Variants in MOK observed in about 807,000 individuals in gnomAD.
MOK encodes MOK protein kinase.
In MOK, 59 loss-of-function variants were observed where a neutral mutation model predicts 54.2. The observed-to-expected ratio is 1.09, with a 90% CI of 0.88 to 1.35. The LOEUF (loss-of-function observed/expected upper bound fraction) is 1.35, where lower values mean the gene tolerates loss of function less well. Ranked by LOEUF, MOK falls within the 40% of genes most tolerant of loss-of-function variation. MOK has a pLI of 0.00. For synonymous variants in MOK, 210 were observed against 202.7 expected (o/e 1.04, Z -0.31); for missense variants, 517 against 526.2 (o/e 0.98, Z 0.17).
chr14:102,229,668 A>T lies in MOK; in HGVS notation c.982-11T>A. The T allele has an allele frequency of 2.5e-6, 4 of 1,585,128 alleles. No individual in the cohort carries two copies. Among genetic ancestry groups the T allele is most frequent in the Non-Finnish European group, 3.4e-6 (4 of 1,166,318 alleles). ...CTTTAGGGACTGTTTCTTGAAACAG[A>T]ACAGAGGCCAGTTGGACATAAAACG... On this transcript the variant is annotated splice_polypyrimidine_tract_variant and intron_variant, in intron 10 of 11. Transcript: ENST00000361847.
intron 1 of MOK, among the ~76,000 whole-genome samples, chr14:102,291,512 G>A (rs954017369): frequency 8.5e-5 from 13 of 152,144 alleles, no homozygotes; most frequent in Non-Finnish European, 1.5e-5. Flanking sequence ...CTAGTCAAGG[G>A]ATAGCTGTTG....
intron 4 of MOK, among the ~76,000 whole-genome samples, chr14:102,253,283 A>G (rs3783372): frequency 0.29 from 44,356 of 152,194 alleles, 7,952 homozygotes; most frequent in African/African-American, 0.52. Flanking sequence ...CAATTAGCAC[A>G]TGCGTCAGCT....
At chr14:102,214,778 G>T in the MOK span, 1 of 978,674 alleles carries the variant, frequency 1.0e-6, no homozygotes, top group African/African-American at 1.8e-5. Context: ...ATGAAATATT[G>T]GTAAATTAAA....
chr14:102,266,532 G>A (rs1231970522), intron 2 of MOK, among the ~76,000 whole-genome samples: 2 of 152,014 alleles, frequency 1.3e-5, no homozygotes, highest in African/African-American at 4.8e-5. Flanking sequence ...TTACAAGCGT[G>A]AGCCACTGTG....
intron 4 of MOK, among the ~76,000 whole-genome samples, chr14:102,256,427 C>T (rs2066957958): frequency 6.6e-6 from 1 of 151,648 alleles, no homozygotes; most frequent in Admixed American, 6.6e-5. Flanking sequence ...ATTAGCCAGG[C>T]TAATTTAGTG....
Position 102,231,719 on chromosome 14 carries a change from C to T in MOK, c.969G>A (p.Glu323=). The T allele has an allele frequency of 6.2e-7, 1 of 1,611,496 alleles. No homozygotes were observed. Among genetic ancestry groups the T allele is most frequent in the Non-Finnish European group, 8.5e-7 (1 of 1,179,140 alleles). Reference sequence around the variant, plus strand: ...TTTCGCTTAGTACCTGCTTTCTGCCCTCCTTGGAAATCTGGCAGCTGTTAC... The same window carrying T: ...TTTCGCTTAGTACCTGCTTTCTGCCTTCCTTGGAAATCTGGCAGCTGTTAC... The part of the protein sequence containing the change: ...PLSNSCQISK[E]GRKQKQSLKQ... The change falls in exon 10 of 12, where the codon GAG becomes GAA. Residue 323 remains glutamate, a synonymous_variant. Coordinates refer to ENST00000361847, the MANE Select transcript of MOK (RefSeq NM_014226.3). The surrounding 1 kb of genome is among the most constrained non-coding windows in gnomAD (Gnocchi z 4.4).
downstream of MOK, among the ~76,000 whole-genome samples, chr14:102,220,829 G>A (rs2063804488): frequency 6.6e-6 from 1 of 151,862 alleles, no homozygotes; most frequent in Admixed American, 6.6e-5. The surrounding 1 kb of genome is among the most constrained non-coding windows in gnomAD (Gnocchi z 4.2). Flanking sequence ...CTGGAGTGCA[G>A]TGGATCGCGG....
At chr14:102,278,966 G>C (rs995598109) in intron 2 of MOK, among the ~76,000 whole-genome samples, 1 of 152,168 alleles carries the variant, frequency 6.6e-6, no homozygotes, top group African/African-American at 2.4e-5. Context: ...TATTTAATTT[G>C]ACCCTCACAA....
rs1348153714 is a variant in MOK at position 102,287,166 on chromosome 14, G to A, written c.8-3574C>T. Among the ~76,000 whole-genome samples the A allele has an allele frequency of 2.6e-5, 4 of 152,234 alleles. 1 individual carries two copies. Among genetic ancestry groups the A allele is most frequent in the African/African-American group, 9.6e-5 (4 of 41,534 alleles). On this transcript the variant is annotated intron_variant, in intron 1 of 11. Coordinates refer to ENST00000361847, the MANE Select transcript of MOK (RefSeq NM_014226.3). The stretch of plus-strand genomic sequence containing the variant: ...AAAATGCTGATCACTGCTGAAATTC[G>A]GTGATGGATTTATGAGGGTTCAGTG...
In MOK at chr14:102,304,990, C is replaced by T; in HGVS notation, c.-22G>A. 6.2e-7 allele frequency: 1 copy of T among 1,610,062 alleles called. No individual in the cohort carries two copies. Among genetic ancestry groups the T allele is most frequent in the Middle Eastern group, 1.7e-4 (1 of 6,054 alleles). ...TCATCTTGGATGCGGAAGCCGGTGA[C>T]AACCCCTTGCCGACACTGGACGGAA... On this transcript the variant is annotated 5_prime_UTR_variant, in exon 1 of 12. Coordinates refer to ENST00000361847, the MANE Select transcript of MOK (RefSeq NM_014226.3).
Position 102,231,840 on chromosome 14 carries a change from GA to G in MOK, c.867-20del. The stretch of plus-strand genomic sequence containing the variant: ...TGTTTTCCTACGGGGAAGGAGAAGA[GA>G]ATGGAGCAGCTCCACTGAGAGCCCG... On this transcript the variant is annotated intron_variant, in intron 9 of 11. Transcript: ENST00000361847. This position sits in a 1 kb window ranked among gnomAD's most constrained non-coding sequence, Gnocchi z 4.4. 3 of 1,604,034 alleles carry G rather than the reference GA, an allele frequency of 1.9e-6. No individual in the cohort carries two copies. Among genetic ancestry groups the G allele is most frequent in the Non-Finnish European group, 2.6e-6 (3 of 1,172,056 alleles).
rs527398261 is a variant in MOK, at chr14:102,245,817, T to C, written c.590+4995A>G. On this transcript the variant is annotated intron_variant, in intron 7 of 11. Transcript: ENST00000361847. The surrounding 1 kb of genome is among the most constrained non-coding windows in gnomAD (Gnocchi z 4.3). ...AACTCTCAGGACATACCCCCTAGTA[T>C]CACCTTTCCAGGTTAAAGAGAGCTC... Among the ~76,000 whole-genome samples the C allele has an allele frequency of 2.1e-4, 32 of 152,218 alleles. No homozygotes were observed. In the South Asian group the frequency reaches 6.4e-3, roughly 31 times the overall value.
rs765015108 is a variant in MOK at position 102,251,769 on chromosome 14, T to G, written c.398A>C (p.Asn133Thr). The G allele has an allele frequency of 6.4e-7, 1 of 1,568,458 alleles. No individual in the cohort carries two copies. The highest frequency in any genetic ancestry group is 2.2e-5 in the East Asian group (1 of 44,586). ...AAAAGCTCTTACCTTTATTAGTATATTTTCTGGTTTTACATCTCTGTGAAA... is the reference window on the plus strand; with the variant it reads ...AAAAGCTCTTACCTTTATTAGTATAGTTTCTGGTTTTACATCTCTGTGAAA... ...GIFHRDVKPE[N>T]ILIKQDVLKL... The change falls in exon 6 of 12, where the codon AAT becomes ACT. Residue 133 changes from asparagine to threonine, a missense_variant. Asn to Thr is a moderately conservative substitution (Grantham distance 65). Coordinates refer to ENST00000361847, the MANE Select transcript of MOK (RefSeq NM_014226.3).
chr14:102,218,936 G>A, the MOK span, among the ~76,000 whole-genome samples: 49 of 152,328 alleles, frequency 3.2e-4, no homozygotes, highest in Middle Eastern at 3.4e-3. Context: ...GTCCTCCGTC[G>A]GCCGGGCCGG....
At chr14:102,263,638 T>A in intron 3 of MOK, 22 bp from the exon 4 acceptor site, 2 of 1,555,604 alleles carry the variant, frequency 1.3e-6, no homozygotes, top group Non-Finnish European at 1.8e-6. Flanking sequence ...AGCAAGTTTT[T>A]AAAATAAATT....
downstream of MOK, among the ~76,000 whole-genome samples, chr14:102,224,067 A>C (rs1597198650): frequency 8.7e-6 from 1 of 115,424 alleles, no homozygotes; most frequent in South Asian, 2.8e-4. Context: ...TTTGAGATGG[A>C]GTCTCCCTCT....
rs1362820727 is a variant in MOK at position 102,236,320 on chromosome 14, T to C, written c.591-2531A>G. Among the ~76,000 whole-genome samples the C allele has an allele frequency of 6.6e-6, 1 of 152,180 alleles. No individual in the cohort carries two copies. Among genetic ancestry groups the C allele is most frequent in the Non-Finnish European group, 1.5e-5 (1 of 68,030 alleles). The stretch of plus-strand genomic sequence containing the variant: ...GTAAGCCGATCTCTTTTTAAATTGA[T>C]AGCGGGGCCACCTACTCAGCTTTGC... On this transcript the variant is annotated intron_variant, in intron 7 of 11. Coordinates refer to ENST00000361847, the MANE Select transcript of MOK (RefSeq NM_014226.3). This position sits in a 1 kb window ranked among gnomAD's most constrained non-coding sequence, Gnocchi z 4.5.
chr14:102,256,566 C>T (rs567712190), intron 4 of MOK, among the ~76,000 whole-genome samples: 29 of 151,322 alleles, frequency 1.9e-4, no homozygotes, highest in South Asian at 2.1e-4. Flanking sequence ...AGCGAGACTC[C>T]GTCTCAAAAA....
At chr14:102,248,984 G>C (rs2153107711) in intron 7 of MOK, among the ~76,000 whole-genome samples, 1 of 151,710 alleles carries the variant, frequency 6.6e-6, no homozygotes, top group East Asian at 1.9e-4. Context: ...TCTCCATTCT[G>C]CCTAGTCCCC....
Sources: allele counts gnomAD v4.1 joint callset (sites outside exome capture counted in the v4.1 genomes callset), GRCh38; gene constraint gnomAD v4.1.1; non-coding constraint Gnocchi (gnomAD v3.1); transcripts MANE v1.5; gene names NCBI Gene and HGNC (gene_info 2026-07-23, HGNC 2026-07-21).